VWA5B2: variants seen among roughly 807,000 people sequenced by gnomAD.
VWA5B2 encodes von Willebrand factor A domain containing 5B2.
A neutral mutation model predicts 118.5 loss-of-function variants in VWA5B2; 93 were observed. The observed-to-expected ratio is 0.79, with a 90% CI of 0.66 to 0.93. The LOEUF (loss-of-function observed/expected upper bound fraction) is 0.93, where lower values mean the gene tolerates loss of function less well. Among genes scored for constraint, VWA5B2 ranks in the 40% least tolerant of loss-of-function variants. The probability of loss-of-function intolerance (pLI) is 0.00; values close to 1 mark genes in which losing one functional copy is unlikely to be tolerated. For missense variants in VWA5B2, 1,546 were observed against 1,672.8 expected (o/e 0.92, Z 1.32); for synonymous variants, 708 against 716.3 (o/e 0.99, Z 0.19).
At chr3:184,234,553 C>T (rs1375213966) in intron 6 of VWA5B2, 78 bp from the exon 7 acceptor site, 22 of 1,527,406 alleles carry the variant, frequency 1.4e-5, no homozygotes, top group African/African-American at 4.1e-5. Flanking sequence ...CCTGCAGGCT[C>T]CTCCTGGACA....
In VWA5B2 at chr3:184,236,336, G is replaced by A. The variant is rs1171576477; in HGVS notation, c.1213-7G>A. On this transcript the variant is annotated splice_region_variant and splice_polypyrimidine_tract_variant and intron_variant, in intron 9 of 19. Coordinates refer to ENST00000691901, the MANE Select transcript of VWA5B2 (RefSeq NM_001390846.1). ...AGTGCGTCCCAGCCTGTGCCTTCTC[G>A]CTCCAGGATGCTGTGCAGCTGATCT... 1.7e-5 allele frequency: 26 copies of A among 1,548,022 alleles called. No homozygotes were observed. The highest frequency in any genetic ancestry group is 9.8e-5 in the Admixed American group (5 of 50,934).
rs1560156623 is a variant in VWA5B2 at position 184,239,631 on chromosome 3, G to A, written c.2392+48G>A. 6.8e-7 allele frequency: 1 copy of A among 1,476,006 alleles called. No individual in the cohort carries two copies. Among genetic ancestry groups the A allele is most frequent in the Non-Finnish European group, 9.0e-7 (1 of 1,105,490 alleles). The allele number at this position is 1,476,006 out of a possible 1,614,324, so 91.4% of individuals were successfully genotyped here. ...GTTTCCCTGACACCAAAGAGGCCTTGGGGAGGTAAAGCCCAGAGGACCACT... is the reference window on the plus strand; with the variant it reads ...GTTTCCCTGACACCAAAGAGGCCTTAGGGAGGTAAAGCCCAGAGGACCACT... On this transcript the variant is annotated intron_variant, in intron 15 of 19. Coordinates refer to ENST00000691901, the MANE Select transcript of VWA5B2 (RefSeq NM_001390846.1). The surrounding 1 kb of genome is among the most constrained non-coding windows in gnomAD (Gnocchi z 5.1).
chr3:184,241,449 CTG>C lies in VWA5B2; in HGVS notation c.3181-39_3181-38del. 6.4e-7 allele frequency: 1 copy of C among 1,561,614 alleles called. No individual in the cohort carries two copies. The highest frequency in any genetic ancestry group is 8.7e-7 in the Non-Finnish European group (1 of 1,151,544). ...AGGGTGGTGCCGCCGGGGCCGGGCG[CTG>C]TTTCAGCTCGCTTCTCCCCCCACCT... On this transcript the variant is annotated intron_variant, in intron 19 of 19. Coordinates refer to ENST00000691901, the MANE Select transcript of VWA5B2 (RefSeq NM_001390846.1). The surrounding 1 kb of genome is among the most constrained non-coding windows in gnomAD (Gnocchi z 5.1).
Position 184,234,671 on chromosome 3 carries a change from G to C in VWA5B2, c.861G>C (p.Leu287=). ...ACCTGATGCTGGAGGGCGGCAGCCTGAGCTCAGCAGAATATGAGGCCCGGG... is the reference window on the plus strand; with the variant it reads ...ACCTGATGCTGGAGGGCGGCAGCCTCAGCTCAGCAGAATATGAGGCCCGGG... ...QPHLMLEGGS[L]SSAEYEARVR... The change falls in exon 7 of 20, where the codon CTG becomes CTC. Residue 287 remains leucine (L), a synonymous_variant. Coordinates refer to ENST00000691901, the MANE Select transcript of VWA5B2 (RefSeq NM_001390846.1). 6.4e-7 allele frequency: 1 copy of C among 1,551,374 alleles called. No individual in the cohort carries two copies. Among genetic ancestry groups the C allele is most frequent in the South Asian group, 1.2e-5 (1 of 84,052 alleles).
rs374067216 is a variant in VWA5B2, at chr3:184,238,105, G to A, written c.1720-198G>A. Among the ~76,000 whole-genome samples, 13 of 152,154 alleles carry A rather than the reference G, an allele frequency of 8.5e-5. No individual in the cohort carries two copies. In the East Asian group the frequency reaches 2.3e-3, roughly 27 times the overall value. On this transcript the variant is annotated intron_variant, in intron 12 of 19. Transcript: ENST00000691901. The surrounding 1 kb of genome is among the most constrained non-coding windows in gnomAD (Gnocchi z 5.0). Reference sequence around the variant, plus strand: ...TTTGCCTGGCTGCCAGGGAGCTCAGGGCCAAACTTAAAGCTCAGCTTCCCA... The same window carrying A: ...TTTGCCTGGCTGCCAGGGAGCTCAGAGCCAAACTTAAAGCTCAGCTTCCCA...
Position 184,241,964 on chromosome 3 carries a change from C to G in VWA5B2, c.3655C>G (p.Leu1219Val). The change falls in exon 20 of 20, where the codon CTC (leucine) becomes GTC (valine). Residue 1219 changes from leucine (L) to valine (V), a missense_variant. By Grantham distance (32) the Leu-to-Val change is conservative. This residue lies in a region of VWA5B2 where 763 missense variants were observed against 766.6 expected (regional missense o/e 1.00). Transcript: ENST00000691901. The surrounding 1 kb of genome is among the most constrained non-coding windows in gnomAD (Gnocchi z 5.1). ...LAALKAAARG[L>V]FLLLRHWDQN... ...CGCCCTCAAGGCCGCAGCCCGAGGGCTCTTCCTGCTACTGCGCCACTGGGA... is the reference window on the plus strand; with the variant it reads ...CGCCCTCAAGGCCGCAGCCCGAGGGGTCTTCCTGCTACTGCGCCACTGGGA... The G allele has an allele frequency of 6.5e-7, 1 of 1,550,110 alleles. No homozygotes were observed. The highest frequency in any genetic ancestry group is 8.7e-7 in the Non-Finnish European group (1 of 1,146,906).
chr3:184,234,694 G>A lies in VWA5B2; in HGVS notation c.884G>A (p.Arg295Gln), dbSNP rs960826836. Reference sequence around the variant, plus strand: ...CTGAGCTCAGCAGAATATGAGGCCCGGGTGAGGGCCCGCCGAGATTTTCAG... The same window carrying A: ...CTGAGCTCAGCAGAATATGAGGCCCAGGTGAGGGCCCGCCGAGATTTTCAG... ...GSLSSAEYEA[R>Q]VRARRDFQRL... Residue 295 changes from arginine (R) to glutamine (Q), a missense_variant, in exon 7 of 20, where the codon CGG becomes CAG. Physicochemically the swap from Arg to Gln is conservative, Grantham distance 43. Transcript: ENST00000691901. The A allele has an allele frequency of 3.0e-5, 46 of 1,551,250 alleles. No individual in the cohort carries two copies. Among genetic ancestry groups the A allele is most frequent in the Middle Eastern group, 1.7e-4 (1 of 6,014 alleles).
rs1236300287 is a variant in VWA5B2 at position 184,239,495 on chromosome 3, C to A, written c.2304C>A (p.Gly768=). 1 of 1,550,042 alleles carries A rather than the reference C, an allele frequency of 6.5e-7. No homozygotes were observed. The highest frequency in any genetic ancestry group is 2.4e-5 in the East Asian group (1 of 40,866). The change falls in exon 15 of 20, where the codon GGC becomes GGA. Residue 768 remains glycine, a synonymous_variant. Coordinates refer to ENST00000691901, the MANE Select transcript of VWA5B2 (RefSeq NM_001390846.1). This position sits in a 1 kb window ranked among gnomAD's most constrained non-coding sequence, Gnocchi z 5.1. The part of the protein sequence containing the change: ...SPPGRANQVP[G]RPRKPSLGAI... ...CAGGCCGGGCAAACCAAGTCCCCGG[C>A]CGACCCCGGAAACCCTCTTTGGGTG...
At position 184,237,430 on chromosome 3, in the gene VWA5B2, G is replaced by A. The variant is rs769544088; in HGVS notation, c.1719+19G>A. On this transcript the variant is annotated intron_variant, in intron 12 of 19. Coordinates refer to ENST00000691901, the MANE Select transcript of VWA5B2 (RefSeq NM_001390846.1). This position sits in a 1 kb window ranked among gnomAD's most constrained non-coding sequence, Gnocchi z 5.6. ...ACCAGGGGTAAGCTTGGGCTGGGGT[G>A]TGGTAGGGGGGCTAGGGTGAGGTAG... is the stretch of plus-strand genomic sequence containing the variant. The A allele has an allele frequency of 6.5e-7, 1 of 1,539,830 alleles. No individual in the cohort carries two copies. Among genetic ancestry groups the A allele is most frequent in the Non-Finnish European group, 8.8e-7 (1 of 1,138,820 alleles).
Position 184,234,831 on chromosome 3 carries a change from A to G in VWA5B2, c.945+76A>G, listed in dbSNP as rs574997149. The stretch of plus-strand genomic sequence containing the variant: ...ACAAGGAGCAGGCAAGCAGGCTTAC[A>G]TTGGAATGGGTGCGGGGAGGCCTCT... On this transcript the variant is annotated intron_variant, in intron 7 of 19. Coordinates refer to ENST00000691901, the MANE Select transcript of VWA5B2 (RefSeq NM_001390846.1). 1.3e-5 allele frequency: 20 copies of G among 1,541,144 alleles called. 1 individual carries two copies. The highest frequency in any genetic ancestry group is 8.5e-5 in the South Asian group (7 of 82,786).
In VWA5B2 at chr3:184,237,110, C is replaced by A. The variant is rs1391475234; in HGVS notation, c.1534-116C>A. On this transcript the variant is annotated intron_variant, in intron 11 of 19. Transcript: ENST00000691901. This position sits in a 1 kb window ranked among gnomAD's most constrained non-coding sequence, Gnocchi z 5.6. ...CTCCTGACCCCAGCCTGGCCCTGTG[C>A]CCCATCAGCTTAGGGGCTGGGCAGA... The A allele has an allele frequency of 1.7e-6, 2 of 1,173,348 alleles. No individual in the cohort carries two copies. Among genetic ancestry groups the A allele is most frequent in the African/African-American group, 1.5e-5 (1 of 65,442 alleles). 72.7% of individuals were successfully genotyped at this position (1,173,348 alleles called of 1,614,324 possible). A position where few individuals can be genotyped will look rare whatever the true frequency, so the allele number is the denominator to read the frequency against.
rs1560158664 is a variant in VWA5B2, at chr3:184,241,344, TAG to T, written c.3121_3122del (p.Ser1041ProfsTer2). ...GCATGGGCCGCCGTCACAAACTCTG[TAG>T]CCCTGACCCGGGCCAGGCCAACAAC... ...LSMGRRHKLC[S>X]PDPGQANNSE... On this transcript the variant is annotated frameshift_variant, in exon 19 of 20. Coordinates refer to ENST00000691901, the MANE Select transcript of VWA5B2 (RefSeq NM_001390846.1). LOFTEE classifies it high-confidence loss of function. This position sits in a 1 kb window ranked among gnomAD's most constrained non-coding sequence, Gnocchi z 5.1. 18 of 1,552,456 alleles carry T rather than the reference TAG, an allele frequency of 1.2e-5. No homozygotes were observed. The highest frequency in any genetic ancestry group is 1.5e-5 in the Non-Finnish European group (17 of 1,147,586).
chr3:184,233,296 G>C lies in VWA5B2; in HGVS notation c.429G>C (p.Arg143Ser). The change falls in exon 4 of 20, where the codon AGG (arginine) becomes AGC (serine). Residue 143 changes from arginine (R) to serine (S), a missense_variant. By Grantham distance (110) the Arg-to-Ser change is moderately radical (BLOSUM62 -1). Coordinates refer to ENST00000691901, the MANE Select transcript of VWA5B2 (RefSeq NM_001390846.1). This position sits in a 1 kb window ranked among gnomAD's most constrained non-coding sequence, Gnocchi z 5.2. ...TLHSSRELPS[R>S]PDGVLHVALP... ...ACAGCAGCCGGGAGCTGCCCTCAAG[G>C]CCTGACGGGGTGCTGCATGTGGCCC... is the stretch of plus-strand genomic sequence containing the variant. 6.5e-7 allele frequency: 1 copy of C among 1,539,088 alleles called. No individual in the cohort carries two copies. Among genetic ancestry groups the C allele is most frequent in the Non-Finnish European group, 8.8e-7 (1 of 1,141,254 alleles).
Position 184,230,934 on chromosome 3 carries a change from C to T in VWA5B2, c.310+17C>T. On this transcript the variant is annotated intron_variant, in intron 3 of 19. Transcript: ENST00000691901. ...GCGCGCAGGGTGAGTTCCGCGCGCC[C>T]GCACCCGCGCTCCTGAAAGCCGGGC... The T allele has an allele frequency of 8.3e-7, 1 of 1,211,120 alleles. No individual in the cohort carries two copies. Among genetic ancestry groups the T allele is most frequent in the Non-Finnish European group, 1.0e-6 (1 of 974,858 alleles). The allele number at this position is 1,211,120 out of a possible 1,614,324, so 75.0% of individuals were successfully genotyped here.
chr3:184,241,410 G>A lies in VWA5B2; in HGVS notation c.3180+6G>A, dbSNP rs1367940309. Reference sequence around the variant, plus strand: ...ACCATGACTACCTGCCCTTGGTGAGGACTCGGGAGGTGGAGGGTGGTGCCG... The same window carrying A: ...ACCATGACTACCTGCCCTTGGTGAGAACTCGGGAGGTGGAGGGTGGTGCCG... On this transcript the variant is annotated splice_donor_region_variant and intron_variant, in intron 19 of 19. Transcript: ENST00000691901. This position sits in a 1 kb window ranked among gnomAD's most constrained non-coding sequence, Gnocchi z 5.1. 4.4e-6 allele frequency: 7 copies of A among 1,578,008 alleles called. No individual in the cohort carries two copies. Among genetic ancestry groups the A allele is most frequent in the Non-Finnish European group, 6.0e-6 (7 of 1,161,198 alleles).
At chr3:184,236,969 C>T (rs987163694) in intron 11 of VWA5B2, among the ~76,000 whole-genome samples, 2 of 152,178 alleles carry the variant, frequency 1.3e-5, no homozygotes, top group African/African-American at 2.4e-5. Context: ...AGTCCTGGAA[C>T]GGAGCCTCGT....
chr3:184,231,901 G>A (rs1717432311), intron 3 of VWA5B2, among the ~76,000 whole-genome samples: 1 of 152,208 alleles, frequency 6.6e-6, no homozygotes, highest in Non-Finnish European at 1.5e-5. Flanking sequence ...TCTGGGCTGA[G>A]GCCCCAGGAA....
chr3:184,236,122 C>T (rs1717952233), intron 8 of VWA5B2, 30 bp from the exon 9 acceptor site: 1 of 1,541,752 alleles, frequency 6.5e-7, no homozygotes, highest in Non-Finnish European at 8.8e-7. Flanking sequence ...ATGGGGCCGG[C>T]CTCACGCCGC....
intron 6 of VWA5B2, 114 bp from the exon 7 acceptor site, chr3:184,234,516 CA>C: frequency 6.6e-7 from 1 of 1,524,508 alleles, no homozygotes; most frequent in Non-Finnish European, 8.8e-7. Flanking sequence ...TCTGTGAGGG[CA>C]GAGCCTGTGG....
Sources: allele counts gnomAD v4.1 joint callset (sites outside exome capture counted in the v4.1 genomes callset), GRCh38; gene constraint gnomAD v4.1.1; regional missense constraint gnomAD v4.1.1; non-coding constraint Gnocchi (gnomAD v3.1); transcripts MANE v1.5; gene names NCBI Gene and HGNC (gene_info 2026-07-23, HGNC 2026-07-21).